The following TNXB variants were observed in gnomAD, a reference collection of about 807,000 sequenced individuals.
TNXB encodes tenascin-X.
A neutral mutation model predicts 340.5 loss-of-function variants in TNXB; 183 were observed. That is an observed-to-expected ratio of 0.54 (90% CI 0.48 to 0.61). The LOEUF is 0.61. TNXB is among the 20% of genes least tolerant of loss of function. TNXB has a pLI of 0.00. For synonymous variants in TNXB, 2,121 were observed against 2,314.5 expected, an observed-to-expected ratio of 0.92 and a Z score of 2.40; for missense variants, 4,613 against 5,446.4, an observed-to-expected ratio of 0.85 and a Z score of 4.82.
intron 6 of TNXB, 58 bp from the exon 7 acceptor site, chr6:32,086,176 T>A: frequency 7.0e-7 from 1 of 1,427,440 alleles, no homozygotes; most frequent in South Asian, 1.6e-5. Context: ...TAGAAAGGAA[T>A]CCCCAGTCCC....
In TNXB at chr6:32,072,375, G is replaced by T; in HGVS notation, c.4682-77C>A. ...CCTGGGCTTTGAGGGCCTCAGGGGGGCTGTGAACTGAGATGGGGAATAGTT... is the reference window on the plus strand; with the variant it reads ...CCTGGGCTTTGAGGGCCTCAGGGGGTCTGTGAACTGAGATGGGGAATAGTT... On this transcript the variant is annotated intron_variant, in intron 12 of 43. Coordinates refer to ENST00000644971, the MANE Select transcript of TNXB (RefSeq NM_001365276.2). The surrounding 1 kb of genome is among the most constrained non-coding windows in gnomAD (Gnocchi z 4.4). 8.1e-7 allele frequency: 1 copy of T among 1,241,916 alleles called. No individual in the cohort carries two copies. Among genetic ancestry groups the T allele is most frequent in the East Asian group, 2.4e-5 (1 of 41,310 alleles). The allele number at this position is 1,241,916 out of a possible 1,614,324, so 76.9% of individuals were successfully genotyped here. A position where few individuals can be genotyped will look rare whatever the true frequency, so the allele number is the denominator to read the frequency against.
rs1347300610 is a variant in TNXB, at chr6:32,089,038, C to G, written c.2526G>C (p.Gly842=). 6.2e-7 allele frequency: 1 copy of G among 1,609,038 alleles called. No individual in the cohort carries two copies. Among genetic ancestry groups the G allele is most frequent in the Non-Finnish European group, 8.5e-7 (1 of 1,178,038 alleles). ...CAGCCACCACTCGGAGGTCCTGGGG[C>G]CCATCGATCACTAGCCAGGTTAAAG... The part of the protein sequence containing the change: ...ASKTITTMID[G]PQDLRVVAVT... The change falls in exon 6 of 44, where the codon GGG becomes GGC. Residue 842 remains glycine (G), a synonymous_variant. Transcript: ENST00000644971. This position sits in a 1 kb window ranked among gnomAD's most constrained non-coding sequence, Gnocchi z 6.2.
At position 32,079,965 on chromosome 6, in the gene TNXB, C is replaced by A. The variant is rs1779344125; in HGVS notation, c.4043-600G>T. On this transcript the variant is annotated intron_variant, in intron 10 of 43. Coordinates refer to ENST00000644971, the MANE Select transcript of TNXB (RefSeq NM_001365276.2). This position sits in a 1 kb window ranked among gnomAD's most constrained non-coding sequence, Gnocchi z 7.1. ...CTACAGTTAGGTCTCTGCTGAGGCTCCATGGAGTGGGGAGACTGTGGCACA... is the reference window on the plus strand; with the variant it reads ...CTACAGTTAGGTCTCTGCTGAGGCTACATGGAGTGGGGAGACTGTGGCACA... Among the ~76,000 whole-genome samples, 1 of 152,178 alleles carries A rather than the reference C, an allele frequency of 6.6e-6. No individual in the cohort carries two copies. Among genetic ancestry groups the A allele is most frequent in the African/African-American group, 2.4e-5 (1 of 41,446 alleles).
chr6:32,074,926 C>T lies in TNXB; in HGVS notation c.4376-974G>A, dbSNP rs1250147391. Among the ~76,000 whole-genome samples the T allele has an allele frequency of 6.6e-6, 1 of 152,194 alleles. No individual in the cohort carries two copies. Among genetic ancestry groups the T allele is most frequent in the Non-Finnish European group, 1.5e-5 (1 of 68,018 alleles). ...AACTCCCGACCTCAGGTGATCCGCC[C>T]GCCTCGGCCTCCCCAAGTGCTGGGA... On this transcript the variant is annotated intron_variant, in intron 11 of 43. Transcript: ENST00000644971. This position sits in a 1 kb window ranked among gnomAD's most constrained non-coding sequence, Gnocchi z 5.5.
intron 1 of TNXB, among the ~76,000 whole-genome samples, chr6:32,103,656 TA>T (rs1780833924): frequency 6.6e-6 from 1 of 151,496 alleles, no homozygotes; most frequent in Non-Finnish European, 1.5e-5. Flanking sequence ...CCACAAAATC[TA>T]AGGGACATTT....
In TNXB at chr6:32,089,013, C is replaced by A; in HGVS notation, c.2551G>T (p.Val851Leu). 3.1e-6 allele frequency: 5 copies of A among 1,610,880 alleles called. No individual in the cohort carries two copies. Among genetic ancestry groups the A allele is most frequent in the Non-Finnish European group, 4.2e-6 (5 of 1,178,888 alleles). The change falls in exon 6 of 44, where the codon GTG becomes TTG. Residue 851 changes from valine (V) to leucine (L), a missense_variant. Around this residue, in one of 7 missense-constraint regions of TNXB, gnomAD observed 4,327 missense variants for 4,859.4 expected, o/e 0.89. Transcript: ENST00000644971. This position sits in a 1 kb window ranked among gnomAD's most constrained non-coding sequence, Gnocchi z 6.2. ...DGPQDLRVVA[V>L]TPTTLELGWL... is the part of the protein sequence containing the mutation. ...CCAAGCTCCAGTGTTGTCGGTGTCA[C>A]AGCCACCACTCGGAGGTCCTGGGGC... is the stretch of plus-strand genomic sequence containing the variant.
chr6:32,046,360 C>A lies in TNXB; in HGVS notation c.10421G>T (p.Gly3474Val). ...SLRLSWTVAQ[G>V]PFDSFVVQYR... ...CTGGACCACGAAGGAGTCAAAGGGGCCCTGGGCTACCGTCCAGGACAGGCG... is the reference window on the plus strand; with the variant it reads ...CTGGACCACGAAGGAGTCAAAGGGGACCTGGGCTACCGTCCAGGACAGGCG... The change falls in exon 31 of 44, where the codon GGC becomes GTC. Residue 3474 changes from glycine to valine, a missense_variant. This residue lies in a region of TNXB where 4,327 missense variants were observed against 4,859.4 expected (regional missense o/e 0.89). Transcript: ENST00000644971. This position sits in a 1 kb window ranked among gnomAD's most constrained non-coding sequence, Gnocchi z 6.9. 6.2e-7 allele frequency: 1 copy of A among 1,604,520 alleles called. No homozygotes were observed.
chr6:32,046,666 C>A lies in TNXB; in HGVS notation c.10325-210G>T. 1 of 479,898 alleles carries A rather than the reference C, an allele frequency of 2.1e-6. No homozygotes were observed. Among genetic ancestry groups the A allele is most frequent in the South Asian group, 5.4e-5 (1 of 18,552 alleles). The allele number at this position is 479,898 out of a possible 1,614,324, so 29.7% of individuals were successfully genotyped here. A position where few individuals can be genotyped will look rare whatever the true frequency, so the allele number is the denominator to read the frequency against. ...CCTCCTCTGGAGGCTGCTGCCCAAA[C>A]TCCTTCCTGCCCCGCCCCTTCCCTG... On this transcript the variant is annotated intron_variant, in intron 30 of 43. Coordinates refer to ENST00000644971, the MANE Select transcript of TNXB (RefSeq NM_001365276.2). The surrounding 1 kb of genome is among the most constrained non-coding windows in gnomAD (Gnocchi z 6.9).
rs201973085 is a variant in TNXB, at chr6:32,070,321, G to A, written c.5084C>T (p.Thr1695Met). ...PTPDSLRLSW[T>M]VPEGQFDSFV... ...AGAGTCGAACTGGCCCTCAGGAACC[G>A]TCCAGGAGAGGCGCAGTGAGTCTGG... Residue 1695 changes from threonine (T) to methionine (M), a missense_variant, in exon 14 of 44, where the codon ACG becomes ATG. Thr to Met is a moderately conservative substitution (Grantham distance 81, BLOSUM62 -1). Around this residue, in one of 7 missense-constraint regions of TNXB, gnomAD observed 4,327 missense variants for 4,859.4 expected, o/e 0.89. Transcript: ENST00000644971. The surrounding 1 kb of genome is among the most constrained non-coding windows in gnomAD (Gnocchi z 6.0). 4.7e-4 allele frequency: 760 copies of A among 1,611,740 alleles called. No homozygotes were observed. The highest frequency in any genetic ancestry group is 6.2e-4 in the Non-Finnish European group (728 of 1,179,218).
In TNXB at chr6:32,075,415, G is replaced by A. The variant is rs549355818; in HGVS notation, c.4376-1463C>T. Among the ~76,000 whole-genome samples the A allele has an allele frequency of 2.6e-5, 4 of 152,218 alleles. No individual in the cohort carries two copies. The highest frequency in any genetic ancestry group is 4.4e-5 in the Non-Finnish European group (3 of 68,004). On this transcript the variant is annotated intron_variant, in intron 11 of 43. Coordinates refer to ENST00000644971, the MANE Select transcript of TNXB (RefSeq NM_001365276.2). The surrounding 1 kb of genome is among the most constrained non-coding windows in gnomAD (Gnocchi z 4.6). ...CTGCAGACATCTGGGGCTGCTTCTC[G>A]CCTGCCAGTCTCTGCATTTGCTCTT... is the stretch of plus-strand genomic sequence containing the variant.
chr6:32,048,570 G>A lies in TNXB; in HGVS notation c.9838C>T (p.Leu3280Phe). ...GGGCCCTGGGCCACCGTCCATGAGA[G>A]GCCCACTGAGTCCGAGGTCACGGCC... ...VAAVTSDSVG[L>F]SWTVAQGPFD... The change falls in exon 29 of 44, where the codon CTC becomes TTC. Residue 3280 changes from leucine to phenylalanine, a missense_variant. By Grantham distance (22) the Leu-to-Phe change is conservative. This residue lies in a region of TNXB where 4,327 missense variants were observed against 4,859.4 expected (regional missense o/e 0.89). Transcript: ENST00000644971. 2 of 1,551,898 alleles carry A rather than the reference G, an allele frequency of 1.3e-6. No homozygotes were observed. Among genetic ancestry groups the A allele is most frequent in the Non-Finnish European group, 1.7e-6 (2 of 1,146,344 alleles).
chr6:32,049,986 T>G lies in TNXB; in HGVS notation c.9439+12A>C. The G allele has an allele frequency of 6.2e-7, 1 of 1,612,712 alleles. No individual in the cohort carries two copies. The highest frequency in any genetic ancestry group is 8.5e-7 in the Non-Finnish European group (1 of 1,179,000). On this transcript the variant is annotated intron_variant, in intron 27 of 43. Transcript: ENST00000644971. This position sits in a 1 kb window ranked among gnomAD's most constrained non-coding sequence, Gnocchi z 4.5. The stretch of plus-strand genomic sequence containing the variant: ...CACAGCTCCCACCCTGGGGCTCCCA[T>G]CATTCACTCACCCGTCACCCCAATG...
Position 32,043,421 on chromosome 6 carries a change from C to T in TNXB, c.11650+16G>A, listed in dbSNP as rs886038649. The T allele has an allele frequency of 2.5e-5, 13 of 514,174 alleles. No individual in the cohort carries two copies. Among genetic ancestry groups the T allele is most frequent in the South Asian group, 1.9e-4 (10 of 51,414 alleles). The allele number at this position is 514,174 out of a possible 1,614,324, so 31.9% of individuals were successfully genotyped here. On this transcript the variant is annotated intron_variant, in intron 36 of 43. Transcript: ENST00000644971. The stretch of plus-strand genomic sequence containing the variant: ...ACCCTGAACAAGTCCCCTCCAGAGG[C>T]CTCAGGCCTGCTCACCCCCAGGGGC...
At chr6:32,099,130 A>C (rs998873567) in intron 1 of TNXB, among the ~76,000 whole-genome samples, 2 of 152,154 alleles carry the variant, frequency 1.3e-5, no homozygotes, top group Admixed American at 1.3e-4. Context: ...ATGTTGAATG[A>C]ATTAGTGGAT....
intron 24 of TNXB, among the ~76,000 whole-genome samples, chr6:32,054,023 G>C (rs115640032): frequency 6.6e-6 from 1 of 151,786 alleles, no homozygotes; most frequent in Non-Finnish European, 1.5e-5. Flanking sequence ...GTGTCTCCTC[G>C]CCATCTTTTG....
rs1297727945 is a variant in TNXB at position 32,056,156 on chromosome 6, G to A, written c.8162C>T (p.Pro2721Leu). The A allele has an allele frequency of 3.7e-6, 6 of 1,611,756 alleles. No homozygotes were observed. The South Asian group carries it at 6.6e-5, about 18-fold the overall frequency. The stretch of plus-strand genomic sequence containing the variant: ...CTCAGTGCTGAGTTCCGTGGGGCTG[G>A]GGGTCTCTTCCTCTGCAGCTGAGAA... Reference protein sequence around the residue: ...IGVTAAEEETPSPTELSTEAP... With the variant: ...IGVTAAEEETLSPTELSTEAP... Residue 2721 changes from proline (P) to leucine (L), a missense_variant, in exon 24 of 44, where the codon CCC (proline) becomes CTC (leucine). Physicochemically the swap from Pro to Leu is moderately conservative, Grantham distance 98. Around this residue, in one of 7 missense-constraint regions of TNXB, gnomAD observed 4,327 missense variants for 4,859.4 expected, o/e 0.89. Transcript: ENST00000644971.
chr6:32,048,260 T>C, intron 29 of TNXB, 103 bp downstream of exon 29: 1 of 1,283,172 alleles, frequency 7.8e-7, no homozygotes, highest in South Asian at 1.7e-5. Context: ...AATAAATCAG[T>C]GGGTGCTGAG....
chr6:32,069,815 T>C lies in TNXB; in HGVS notation c.5325A>G (p.Lys1775=), dbSNP rs756557383. 2.3e-5 allele frequency: 37 copies of C among 1,602,574 alleles called. No homozygotes were observed. The highest frequency in any genetic ancestry group is 3.1e-5 in the Non-Finnish European group (36 of 1,174,356). The change falls in exon 15 of 44, where the codon AAA becomes AAG. Residue 1775 remains lysine, a synonymous_variant. Transcript: ENST00000644971. This position sits in a 1 kb window ranked among gnomAD's most constrained non-coding sequence, Gnocchi z 6.2. ...MDDTGTKRPP[K]PRLGEELQVT... ...CCTGCAGCTCCTCCCCCAGACGGGG[T>C]TTTGGGGGACGCTTTGTTCCAGTAT...
At position 32,081,735 on chromosome 6, in the gene TNXB, T is replaced by C. The variant is rs1203658333; in HGVS notation, c.3737-62A>G. The C allele has an allele frequency of 6.3e-6, 7 of 1,103,364 alleles. No individual in the cohort carries two copies. Among genetic ancestry groups the C allele is most frequent in the Non-Finnish European group, 8.6e-6 (7 of 809,654 alleles). 68.3% of individuals were successfully genotyped at this position (1,103,364 alleles called of 1,614,324 possible). A position where few individuals can be genotyped will look rare whatever the true frequency, so the allele number is the denominator to read the frequency against. ...CAGCCTGGGACTGGGGCTTGGGGTT[T>C]CGACGGGATGTCACACCTATGGGGG... On this transcript the variant is annotated intron_variant, in intron 9 of 43. Coordinates refer to ENST00000644971, the MANE Select transcript of TNXB (RefSeq NM_001365276.2). The surrounding 1 kb of genome is among the most constrained non-coding windows in gnomAD (Gnocchi z 5.1).
Sources: gnomAD v4.1 joint callset for allele counts (sites outside exome capture counted in the v4.1 genomes callset) on GRCh38, gnomAD v4.1.1 for gene constraint, gnomAD v4.1.1 regional missense constraint, Gnocchi (gnomAD v3.1) non-coding constraint, MANE v1.5 for transcripts, NCBI Gene and HGNC (gene_info 2026-07-23, HGNC 2026-07-21) for gene names.